Variants in DGKB observed in about 807,000 individuals in gnomAD.
DGKB encodes the protein 90 kDa diacylglycerol kinase.
DGKB carries 67 observed loss-of-function variants against 114.3 expected under a neutral mutation model. That is an observed-to-expected ratio of 0.59 (90% CI 0.48 to 0.72). The LOEUF (loss-of-function observed/expected upper bound fraction) is 0.72, where lower values mean the gene tolerates loss of function less well. DGKB is among the 30% of genes least tolerant of loss of function. The pLI is 0.00. For missense variants in DGKB, 907 were observed against 975.2 expected (o/e 0.93, Z 0.93); for synonymous variants, 398 against 323.1 (o/e 1.23, Z -2.49).
chr7:14,800,045 T>C (rs1374899640), intron 2 of DGKB, among the ~76,000 whole-genome samples: 1 of 152,024 alleles, frequency 6.6e-6, no homozygotes, highest in African/African-American at 2.4e-5. Context: ...GCCTTCTGAG[T>C]AGCTGGGACT....
At chr7:14,671,173 G>A (rs1818901529) in intron 13 of DGKB, among the ~76,000 whole-genome samples, 1 of 152,122 alleles carries the variant, frequency 6.6e-6, no homozygotes, top group South Asian at 2.1e-4. Flanking sequence ...AGAGAGGAAT[G>A]CCATGACATA....
chr7:14,880,846 T>A (rs1228481704), intron 1 of DGKB, among the ~76,000 whole-genome samples: 4 of 152,184 alleles, frequency 2.6e-5, no homozygotes, highest in Admixed American at 2.6e-4. Flanking sequence ...ATATAGGGAA[T>A]AATGTTTTGC....
intron 21 of DGKB, among the ~76,000 whole-genome samples, chr7:14,406,490 T>A (rs1258222903): frequency 1.3e-5 from 2 of 152,082 alleles, no homozygotes; most frequent in African/African-American, 4.8e-5. Flanking sequence ...TGGCTCTACA[T>A]GTCCAGGTAC....
chr7:14,843,046 A>G (rs1403860082), intron 1 of DGKB, among the ~76,000 whole-genome samples: 1 of 151,980 alleles, frequency 6.6e-6, no homozygotes, highest in African/African-American at 2.4e-5. Flanking sequence ...CATCTCTACA[A>G]AAAAAACATT....
At chr7:14,405,498 G>C (rs1196726287) in intron 21 of DGKB, among the ~76,000 whole-genome samples, 1 of 151,920 alleles carries the variant, frequency 6.6e-6, no homozygotes. Flanking sequence ...CTTCTTAAAG[G>C]ATATAATCAG....
intron 2 of DGKB, among the ~76,000 whole-genome samples, chr7:14,784,061 C>T (rs1400911717): frequency 2.0e-5 from 3 of 152,106 alleles, no homozygotes; most frequent in Admixed American, 2.0e-4. Context: ...TTACTGAATG[C>T]TTTTAATTTT....
intron 23 of DGKB, among the ~76,000 whole-genome samples, chr7:14,261,558 T>C (rs1380331550): frequency 6.6e-6 from 1 of 152,120 alleles, no homozygotes; most frequent in Non-Finnish European, 1.5e-5. Context: ...CTTGATATCC[T>C]CAATTAGGGG....
At chr7:14,200,891 C>T (rs78411911) in intron 23 of DGKB, among the ~76,000 whole-genome samples, 465 of 152,046 alleles carry the variant, frequency 3.1e-3, no homozygotes, top group African/African-American at 0.011. Context: ...AATGAAGATT[C>T]AGTCATGAAG....
At chr7:14,644,635 A>G (rs1034184178) in intron 13 of DGKB, among the ~76,000 whole-genome samples, 13 of 152,186 alleles carry the variant, frequency 8.5e-5, no homozygotes, top group African/African-American at 3.1e-4. Context: ...CTTTTGAAGT[A>G]TCCTAGTCAC....
At chr7:14,701,774 G>A in intron 6 of DGKB, 44 bp from the exon 7 acceptor site, 1 of 1,322,788 alleles carries the variant, frequency 7.6e-7, no homozygotes, top group East Asian at 2.3e-5. Flanking sequence ...AGGCAAATAA[G>A]ATCAATGTTA....
chr7:14,965,275 A>G (rs1416195919), intron 1 of DGKB, among the ~76,000 whole-genome samples: 1 of 152,156 alleles, frequency 6.6e-6, no homozygotes, highest in Non-Finnish European at 1.5e-5. Flanking sequence ...CTGTACTTTG[A>G]AAATAAATAT....
chr7:14,543,305 A>G (rs1049384048), intron 20 of DGKB, among the ~76,000 whole-genome samples: 2 of 151,914 alleles, frequency 1.3e-5, no homozygotes, highest in Non-Finnish European at 2.9e-5. Flanking sequence ...TTAGCCAGGC[A>G]TGGTGGCATG....
At chr7:14,566,857 T>C (rs1797457489) in intron 20 of DGKB, among the ~76,000 whole-genome samples, 1 of 151,868 alleles carries the variant, frequency 6.6e-6, no homozygotes, top group Non-Finnish European at 1.5e-5. Flanking sequence ...CTTATGTATA[T>C]TCTTCAGATC....
At chr7:14,692,937 T>C (rs1823136265) in intron 9 of DGKB, among the ~76,000 whole-genome samples, 2 of 152,294 alleles carry the variant, frequency 1.3e-5, no homozygotes, top group Admixed American at 6.5e-5. Flanking sequence ...CTCATTTGTA[T>C]ATTCCTAAAG....
chr7:14,630,271 G>A lies in DGKB; in HGVS notation c.1135-3C>T. On this transcript the variant is annotated splice_polypyrimidine_tract_variant and splice_region_variant and intron_variant, in intron 13 of 25. Coordinates refer to ENST00000402815, the MANE Select transcript of DGKB (RefSeq NM_001350709.2). ...GAAACTCCTGAAGTGGGCAGAGTCT[G>A]CTGAAAAAGAGAAGTTCATATGAAA... is the stretch of plus-strand genomic sequence containing the variant. The A allele has an allele frequency of 6.4e-7, 1 of 1,553,776 alleles. No homozygotes were observed. The highest frequency in any genetic ancestry group is 8.7e-7 in the Non-Finnish European group (1 of 1,149,434).
intron 23 of DGKB, among the ~76,000 whole-genome samples, chr7:14,211,361 ATTTACTCTCGTGTTTTGTGATT>A (rs1787820795): frequency 1.6e-5 from 1 of 62,444 alleles, no homozygotes; most frequent in African/African-American, 9.0e-5. Context: ...GTTTTGTGAT[ATTTACTCTCGTGTTTTGTGATT>A]TTACTCTCAT....
intron 2 of DGKB, among the ~76,000 whole-genome samples, chr7:14,777,958 A>C (rs1838457280): frequency 6.6e-6 from 1 of 152,216 alleles, no homozygotes; most frequent in Non-Finnish European, 1.5e-5. Flanking sequence ...AATAATTCTA[A>C]TGTGAAGCAG....
At chr7:14,251,906 C>T (rs1166524298) in intron 23 of DGKB, among the ~76,000 whole-genome samples, 1 of 152,148 alleles carries the variant, frequency 6.6e-6, no homozygotes, top group African/African-American at 2.4e-5. Flanking sequence ...ACAATTCACT[C>T]TTCTCTTGTC....
At chr7:14,322,946 T>A (rs1001460801) in intron 23 of DGKB, among the ~76,000 whole-genome samples, 1 of 152,192 alleles carries the variant, frequency 6.6e-6, no homozygotes, top group Non-Finnish European at 1.5e-5. Flanking sequence ...TGATAGCCCT[T>A]GTGCACTGCT....
Sources: gnomAD v4.1 joint callset for allele counts (sites outside exome capture counted in the v4.1 genomes callset) on GRCh38, gnomAD v4.1.1 for gene constraint, MANE v1.5 for transcripts, NCBI Gene and HGNC (gene_info 2026-07-23, HGNC 2026-07-21) for gene names.